PEX2: variants seen among roughly 807,000 people sequenced by gnomAD.
PEX2 encodes peroxisome biogenesis factor 2.
Under a neutral mutation model 25.2 loss-of-function variants are expected in PEX2, and 19 were observed. That is an observed-to-expected ratio of 0.75 (90% confidence interval 0.53 to 1.10). The LOEUF (loss-of-function observed/expected upper bound fraction) is 1.10. Among genes scored for constraint, PEX2 ranks in the 50% least tolerant of loss-of-function variants. The pLI is 0.00. For synonymous variants in PEX2, 141 were observed against 127.7 expected (o/e 1.10, Z -0.70); for missense variants, 347 against 350.6 (o/e 0.99, Z 0.08).
chr8:76,996,375 G>C (rs1237188532), intron 1 of PEX2, among the ~76,000 whole-genome samples: 1 of 152,170 alleles, frequency 6.6e-6, no homozygotes, highest in East Asian at 1.9e-4. Context: ...GGCAGAACCA[G>C]CTCTAAACCA....
chr8:77,000,199 G>A (rs886063145), upstream of PEX2: 2 of 282,670 alleles, frequency 7.1e-6, no homozygotes, highest in East Asian at 1.2e-4. Context: ...GAAGGCACTG[G>A]ATGGCCAAAC....
chr8:76,990,630 C>G (rs187996354), intron 1 of PEX2, among the ~76,000 whole-genome samples: 1 of 152,210 alleles, frequency 6.6e-6, no homozygotes, highest in African/African-American at 2.4e-5. Flanking sequence ...GGCAAGTCAG[C>G]AGAACAGTCA....
Position 76,983,714 on chromosome 8 carries a change from C to A in PEX2, c.465G>T (p.Leu155Phe), listed in dbSNP as rs1586069703. The A allele has an allele frequency of 1.9e-6, 3 of 1,613,864 alleles. No individual in the cohort carries two copies. Among genetic ancestry groups the A allele is most frequent in the Non-Finnish European group, 2.5e-6 (3 of 1,180,008 alleles). The part of the protein sequence containing the change: ...LLKLGGLINF[L>F]IFLQRGKFAT... Reference sequence around the variant, plus strand: ...CAAACTTTCCCCTCTGAAGGAAAATCAAAAAATTAATCAGCCCACCTAATT... The same window carrying A: ...CAAACTTTCCCCTCTGAAGGAAAATAAAAAAATTAATCAGCCCACCTAATT... The change falls in exon 4 of 4, where the codon TTG (leucine) becomes TTT (phenylalanine). Residue 155 changes from leucine (L) to phenylalanine (F), a missense_variant. Physicochemically the swap from Leu to Phe is conservative, Grantham distance 22 (BLOSUM62 0). Coordinates refer to ENST00000357039, the MANE Select transcript of PEX2 (RefSeq NM_000318.3).
At chr8:76,993,814 C>T (rs911709775) in intron 1 of PEX2, among the ~76,000 whole-genome samples, 15 of 152,070 alleles carry the variant, frequency 9.9e-5, no homozygotes, top group African/African-American at 3.6e-4. Context: ...CTTTAAGATT[C>T]CAAAATGCTA....
At position 76,983,858 on chromosome 8, in the gene PEX2, A is replaced by G. The variant is rs776405246; in HGVS notation, c.321T>C (p.Ala107=). The change falls in exon 4 of 4, where the codon GCT becomes GCC. Residue 107 remains alanine, a synonymous_variant. Transcript: ENST00000357039. ...ACCACCTGCCACCAATTGTACAAACAGCATACCAGATTTTTTGATTTTTAC... is the reference window on the plus strand; with the variant it reads ...ACCACCTGCCACCAATTGTACAAACGGCATACCAGATTTTTTGATTTTTAC... ...PPSKNQKIWY[A]VCTIGGRWLE... is the part of the protein sequence containing the mutation. 6.2e-7 allele frequency: 1 copy of G among 1,614,178 alleles called. No individual in the cohort carries two copies. Among genetic ancestry groups the G allele is most frequent in the African/African-American group, 1.3e-5 (1 of 75,048 alleles).
At chr8:76,995,538 C>T (rs1399929262) in intron 1 of PEX2, among the ~76,000 whole-genome samples, 1 of 151,586 alleles carries the variant, frequency 6.6e-6, no homozygotes, top group Non-Finnish European at 1.5e-5. Flanking sequence ...CTCAACACAA[C>T]TCAAGATTAT....
Position 76,982,810 on chromosome 8 carries a change from G to GGA in PEX2, c.*450_*451insTC. ...GGTGACAGAGCAGGACACCGTCTCA[G>GGA]AAAAAAAAAAAAAAGTTACAACTGA... On this transcript the variant is annotated 3_prime_UTR_variant, in exon 4 of 4. Transcript: ENST00000357039. 6.6e-6 allele frequency: 1 copy of GGA among 150,924 alleles called. No homozygotes were observed. The highest frequency in any genetic ancestry group is 7.1e-5 in the Admixed American group (1 of 14,166). 9.3% of individuals were successfully genotyped at this position (150,924 alleles called of 1,614,324 possible).
At chr8:76,988,783 C>A (rs10808814) in intron 1 of PEX2, among the ~76,000 whole-genome samples, 237 of 152,068 alleles carry the variant, frequency 1.6e-3, no homozygotes, top group Non-Finnish European at 3.0e-3. Context: ...CCTGCCATTG[C>A]TTTATCAATT....
At chr8:76,991,923 C>T (rs1225055801) in intron 1 of PEX2, among the ~76,000 whole-genome samples, 1 of 152,164 alleles carries the variant, frequency 6.6e-6, no homozygotes, top group Non-Finnish European at 1.5e-5. Context: ...TGAAAAGTAA[C>T]AGGCCCCAAA....
At chr8:76,987,619 G>C (rs1807044566) in intron 2 of PEX2, among the ~76,000 whole-genome samples, 1 of 152,152 alleles carries the variant, frequency 6.6e-6, no homozygotes, top group Non-Finnish European at 1.5e-5. Flanking sequence ...CTGAGAGAAA[G>C]ACTGGAAGCA....
intron 1 of PEX2, among the ~76,000 whole-genome samples, chr8:76,994,555 G>A (rs1291703023): frequency 1.3e-5 from 2 of 151,960 alleles, no homozygotes; most frequent in African/African-American, 4.8e-5. Flanking sequence ...CAGTATTAGA[G>A]GTATTACCAT....
At position 76,983,614 on chromosome 8, in the gene PEX2, CA is replaced by C; in HGVS notation, c.564del (p.Phe188LeufsTer4). On this transcript the variant is annotated frameshift_variant, in exon 4 of 4. Coordinates refer to ENST00000357039, the MANE Select transcript of PEX2 (RefSeq NM_000318.3). LOFTEE classifies it high-confidence loss of function. Reference sequence around the variant, plus strand: ...CAGAGAAGTTCCCTATTCATGTATTCAAAGCCAACTTCACATATGTTTTGAG... The same window carrying C: ...CAGAGAAGTTCCCTATTCATGTATTCAAGCCAACTTCACATATGTTTTGAG... ...CKPQNICEVG[F>X]EYMNRELLWH... 1 of 1,614,066 alleles carries C rather than the reference CA, an allele frequency of 6.2e-7. No homozygotes were observed. Among genetic ancestry groups the C allele is most frequent in the Non-Finnish European group, 8.5e-7 (1 of 1,179,952 alleles).
chr8:76,986,745 T>A (rs1295974157), intron 2 of PEX2, among the ~76,000 whole-genome samples: 1 of 152,180 alleles, frequency 6.6e-6, no homozygotes, highest in Non-Finnish European at 1.5e-5. Flanking sequence ...GACTCCAAAT[T>A]TGGGTTGCTG....
chr8:76,988,470 T>C (rs141630443), intron 1 of PEX2, 132 bp from the exon 2 acceptor site: 65 of 152,368 alleles, frequency 4.3e-4, no homozygotes, highest in African/African-American at 1.5e-3. Flanking sequence ...AAAAACAATG[T>C]ACATACCTTA....
chr8:76,983,951 C>T lies in PEX2; in HGVS notation c.228G>A (p.Val76=). The change falls in exon 4 of 4, where the codon GTG becomes GTA. Residue 76 remains valine, a synonymous_variant. Transcript: ENST00000357039. The part of the protein sequence containing the change: ...RFTIYSKNAT[V]GQSVLNIKYK... ...ACTTAATATTCAAAACTGACTGTCCCACTGTGGCATTTTTGGAGTAGATGG... is the reference window on the plus strand; with the variant it reads ...ACTTAATATTCAAAACTGACTGTCCTACTGTGGCATTTTTGGAGTAGATGG... The T allele has an allele frequency of 1.2e-6, 2 of 1,614,122 alleles. No homozygotes were observed. Among genetic ancestry groups the T allele is most frequent in the Non-Finnish European group, 1.7e-6 (2 of 1,180,026 alleles).
chr8:76,997,273 A>G (rs1807363180), intron 1 of PEX2, among the ~76,000 whole-genome samples: 1 of 152,220 alleles, frequency 6.6e-6, no homozygotes, highest in Non-Finnish European at 1.5e-5. Flanking sequence ...TATTACGAAC[A>G]CATACATGCA....
rs374205286 is a variant in PEX2, at chr8:76,983,686, T to C, written c.493A>G (p.Thr165Ala). 4 of 1,614,016 alleles carry C rather than the reference T, an allele frequency of 2.5e-6. No individual in the cohort carries two copies. In the African/African-American group the frequency reaches 4.0e-5, roughly 16 times the overall value. ...LIFLQRGKFA[T>A]LTERLLGIHS... is the part of the protein sequence containing the mutation. ...ATACCTAGGAGACGTTCTGTCAAAG[T>C]TGCAAACTTTCCCCTCTGAAGGAAA... The change falls in exon 4 of 4, where the codon ACT becomes GCT. Residue 165 changes from threonine to alanine, a missense_variant. Physicochemically the swap from Thr to Ala is moderately conservative, Grantham distance 58. Coordinates refer to ENST00000357039, the MANE Select transcript of PEX2 (RefSeq NM_000318.3).
chr8:76,998,630 A>C (rs2132063171), intron 1 of PEX2, among the ~76,000 whole-genome samples: 1 of 152,312 alleles, frequency 6.6e-6, no homozygotes, highest in African/African-American at 2.4e-5. Flanking sequence ...CATCTCGTTT[A>C]AGACATAAAT....
chr8:77,000,459 C>T (rs1313274522), upstream of PEX2, among the ~76,000 whole-genome samples: 1 of 151,942 alleles, frequency 6.6e-6, no homozygotes, highest in Non-Finnish European at 1.5e-5. Flanking sequence ...CTGGCAGGCG[C>T]CGCCGGGTGG....
Sources: allele counts gnomAD v4.1 joint callset (sites outside exome capture counted in the v4.1 genomes callset), GRCh38; gene constraint gnomAD v4.1.1; transcripts MANE v1.5; gene names NCBI Gene and HGNC (gene_info 2026-07-23, HGNC 2026-07-21).